ADGRA3: variants seen among roughly 807,000 people sequenced by gnomAD.
The protein encoded by ADGRA3 is G-protein coupled receptor 125.
Under a neutral mutation model 119.8 loss-of-function variants are expected in ADGRA3, and 56 were observed. The ratio of observed to expected loss-of-function variants is 0.47; its 90% CI spans 0.38 to 0.58. The LOEUF (loss-of-function observed/expected upper bound fraction) is 0.58. ADGRA3 is among the 20% of genes least tolerant of loss of function. ADGRA3 has a pLI of 0.00. For synonymous variants in ADGRA3, 607 were observed against 623.8 expected (o/e 0.97, Z 0.40); for missense variants, 1,516 against 1,649.0 (o/e 0.92, Z 1.40).
At chr4:22,491,148 G>C (rs1718608959) in intron 1 of ADGRA3, among the ~76,000 whole-genome samples, 1 of 152,228 alleles carries the variant, frequency 6.6e-6, no homozygotes, top group Admixed American at 6.5e-5. Context: ...AGCCCTCTGA[G>C]AGCAATGAGC....
At chr4:22,468,684 G>T (rs997885559) in intron 2 of ADGRA3, among the ~76,000 whole-genome samples, 1 of 151,368 alleles carries the variant, frequency 6.6e-6, no homozygotes, top group Non-Finnish European at 1.5e-5. Flanking sequence ...CAGGAGAATC[G>T]CTTGAACTTG....
chr4:22,446,224 T>G (rs1002981054), intron 5 of ADGRA3, among the ~76,000 whole-genome samples: 3 of 152,032 alleles, frequency 2.0e-5, no homozygotes, highest in Non-Finnish European at 4.4e-5. Flanking sequence ...ATTTAAATAA[T>G]ACCAGAAGGA....
At chr4:22,485,146 A>G (rs563016422) in intron 1 of ADGRA3, among the ~76,000 whole-genome samples, 5 of 152,070 alleles carry the variant, frequency 3.3e-5, no homozygotes, top group African/African-American at 1.2e-4. Context: ...AAGTGGTGCC[A>G]TCTCGGCTCA....
intron 6 of ADGRA3, 36 bp from the exon 7 acceptor site, chr4:22,442,899 A>T (rs1354456642): frequency 6.9e-7 from 1 of 1,454,692 alleles, no homozygotes; most frequent in East Asian, 2.3e-5. Context: ...GTAAACAAAT[A>T]TAATTTCCAA....
intron 1 of ADGRA3, among the ~76,000 whole-genome samples, chr4:22,507,968 A>G (rs775827353): frequency 1.2e-4 from 19 of 152,218 alleles, no homozygotes; most frequent in Non-Finnish European, 2.2e-4. Flanking sequence ...TAATAAGGTA[A>G]ACATACGAAT....
At chr4:22,482,426 C>A (rs908978577) in intron 1 of ADGRA3, among the ~76,000 whole-genome samples, 2 of 151,404 alleles carry the variant, frequency 1.3e-5, no homozygotes, top group Non-Finnish European at 2.9e-5. Context: ...GAGGCTGAGG[C>A]AGGAGGACTG....
intron 1 of ADGRA3, among the ~76,000 whole-genome samples, chr4:22,510,589 G>A (rs2109187991): frequency 6.6e-6 from 1 of 152,022 alleles, no homozygotes; most frequent in Admixed American, 6.6e-5. Context: ...TACCACATAC[G>A]GGCCGGGCCG....
At chr4:22,497,854 G>A (rs2109162568) in intron 1 of ADGRA3, among the ~76,000 whole-genome samples, 2 of 151,152 alleles carry the variant, frequency 1.3e-5, no homozygotes, top group African/African-American at 4.9e-5. Context: ...CTGAGGTGGG[G>A]GATTGTTTGA....
At chr4:22,416,783 T>C (rs1016496132) in intron 12 of ADGRA3, among the ~76,000 whole-genome samples, 1 of 152,206 alleles carries the variant, frequency 6.6e-6, no homozygotes, top group African/African-American at 2.4e-5. Context: ...AAATGACTGT[T>C]ACCACACAGC....
chr4:22,448,822 G>A (rs61792023), intron 4 of ADGRA3, among the ~76,000 whole-genome samples: 1 of 152,070 alleles, frequency 6.6e-6, no homozygotes, highest in Non-Finnish European at 1.5e-5. Context: ...AAGTACCTAG[G>A]AACTTAAACA....
At position 22,492,873 on chromosome 4, in the gene ADGRA3, C is replaced by T. The variant is rs78194240; in HGVS notation, c.258-19030G>A. Among the ~76,000 whole-genome samples, 1,383 of 152,348 alleles carry T rather than the reference C, an allele frequency of 9.1e-3. 37 individuals carry two copies. The highest frequency in any genetic ancestry group is 0.05 in the East Asian group (257 of 5,182). ...TAATAAAGCTCATTTCCAACACTGT[C>T]ACCCACATATATTTACAAGTGTGCA... On this transcript the variant is annotated intron_variant, in intron 1 of 18. Transcript: ENST00000334304.
chr4:22,499,065 T>A (rs563099687), intron 1 of ADGRA3, among the ~76,000 whole-genome samples: 3 of 152,090 alleles, frequency 2.0e-5, no homozygotes, highest in Non-Finnish European at 4.4e-5. Flanking sequence ...CAAGCAAAGA[T>A]CATGAAGCAG....
intron 11 of ADGRA3, among the ~76,000 whole-genome samples, chr4:22,422,565 C>T (rs962889538): frequency 6.0e-5 from 4 of 67,160 alleles, no homozygotes; most frequent in Non-Finnish European, 8.7e-5. Context: ...AGGCCCAACA[C>T]ATGAAACCTT....
chr4:22,436,388 G>A, intron 9 of ADGRA3, 52 bp downstream of exon 9: 1 of 1,330,448 alleles, frequency 7.5e-7, no homozygotes, highest in Non-Finnish European at 1.1e-6. Flanking sequence ...TATTTGGTTT[G>A]AATACCATGT....
intron 1 of ADGRA3, 35 bp downstream of exon 1, chr4:22,515,493 G>A (rs764615939): frequency 1.8e-5 from 28 of 1,592,336 alleles, no homozygotes; most frequent in Non-Finnish European, 2.1e-5. Flanking sequence ...AAAGAGCCGA[G>A]CGGGAGAGGA....
intron 2 of ADGRA3, chr4:22,473,306 G>A (rs981615183): frequency 6.5e-6 from 1 of 152,762 alleles, no homozygotes; most frequent in Non-Finnish European, 1.5e-5. Context: ...CTATAGCAAT[G>A]CAAGAATGGC....
In ADGRA3 at chr4:22,436,623, T is replaced by C. The variant is rs1716406201; in HGVS notation, c.1104A>G (p.Ala368=). 1 of 1,614,048 alleles carries C rather than the reference T, an allele frequency of 6.2e-7. No homozygotes were observed. Among genetic ancestry groups the C allele is most frequent in the South Asian group, 1.1e-5 (1 of 91,080 alleles). ...KGDFRWPRTL[A]GITAYLQCTR... is the part of the protein sequence containing the mutation. ...TACACTGCAGATATGCAGTAATGCC[T>C]GCCAATGTTCTGGGCCATCTAGAGA... Residue 368 remains alanine, a synonymous_variant, in exon 9 of 19, where the codon GCA becomes GCG. Coordinates refer to ENST00000334304, the MANE Select transcript of ADGRA3 (RefSeq NM_145290.4).
chr4:22,515,759 C>T lies in ADGRA3; in HGVS notation c.26G>A (p.Gly9Asp). 1 of 1,022,796 alleles carries T rather than the reference C, an allele frequency of 9.8e-7. No individual in the cohort carries two copies. The highest frequency in any genetic ancestry group is 1.2e-6 in the Non-Finnish European group (1 of 858,830). 63.4% of individuals were successfully genotyped at this position (1,022,796 alleles called of 1,614,324 possible). A position where few individuals can be genotyped will look rare whatever the true frequency, so the allele number is the denominator to read the frequency against. The change falls in exon 1 of 19, where the codon GGC becomes GAC. Residue 9 changes from glycine (G) to aspartate (D), a missense_variant. Physicochemically the swap from Gly to Asp is moderately conservative, Grantham distance 94. Around this residue, in one of 2 missense-constraint regions of ADGRA3, gnomAD observed 428 missense variants for 541.9 expected, o/e 0.79. Transcript: ENST00000334304. ...CAGCAACAGCGGCGGCTGCGCGCGG[C>T]CCCGCCGGCGTCCGGGTGGCTCCAT... is the stretch of plus-strand genomic sequence containing the variant. The part of the protein sequence containing the change: MEPPGRRR[G>D]RAQPPLLLPL...
intron 4 of ADGRA3, among the ~76,000 whole-genome samples, chr4:22,453,215 AAAG>A (rs1560325256): frequency 1.1e-5 from 1 of 92,290 alleles, no homozygotes; most frequent in African/African-American, 2.9e-5. Flanking sequence ...AAAAAAAAAA[AAAG>A]AAAGAAAAAG....
Sources: gnomAD v4.1 joint callset for allele counts (sites outside exome capture counted in the v4.1 genomes callset) on GRCh38, gnomAD v4.1.1 for gene constraint, gnomAD v4.1.1 regional missense constraint, MANE v1.5 for transcripts, NCBI Gene and HGNC (gene_info 2026-07-23, HGNC 2026-07-21) for gene names.